FAR2: variants seen among roughly 807,000 people sequenced by gnomAD.
The protein encoded by FAR2 is fatty acyl-CoA reductase 2.
In FAR2, 19 loss-of-function variants were observed where a neutral mutation model predicts 56.0. The observed-to-expected ratio is 0.34, with a 90% CI of 0.24 to 0.50. The LOEUF (loss-of-function observed/expected upper bound fraction) is 0.50, where lower values mean the gene tolerates loss of function less well. FAR2 is among the 20% of genes least tolerant of loss of function. The probability of loss-of-function intolerance (pLI) is 0.98; values close to 1 mark genes in which losing one functional copy is unlikely to be tolerated. For synonymous variants in FAR2, 219 were observed against 218.8 expected (o/e 1.00, Z -0.01); for missense variants, 508 against 642.2 (o/e 0.79, Z 2.26).
At chr12:29,216,752 A>G (rs1374199190) in intron 1 of FAR2, among the ~76,000 whole-genome samples, 1 of 152,206 alleles carries the variant, frequency 6.6e-6, no homozygotes, top group African/African-American at 2.4e-5. Context: ...AGGCATTTCA[A>G]TATTTTAGAC....
chr12:29,320,610 CA>C, intron 9 of FAR2, among the ~76,000 whole-genome samples: 1 of 152,178 alleles, frequency 6.6e-6, no homozygotes, highest in East Asian at 1.9e-4. Context: ...TGGTTAACTA[CA>C]AATCAAGTGC....
In FAR2 at chr12:29,326,048, A is replaced by C. The variant is rs1227854867; in HGVS notation, c.1257+4124A>C. On this transcript the variant is annotated intron_variant, in intron 10 of 11. Coordinates refer to ENST00000536681, the MANE Select transcript of FAR2 (RefSeq NM_001271783.2). ...AAAGAGAGAAGAATCAAATAGACGC[A>C]ATAAAAAATGACAAAGGGGATATCA... Among the ~76,000 whole-genome samples, 5 of 152,306 alleles carry C rather than the reference A, an allele frequency of 3.3e-5. No homozygotes were observed. The East Asian group carries it at 9.6e-4, about 29-fold the overall frequency.
chr12:29,294,378 G>A (rs1388510912), intron 3 of FAR2, among the ~76,000 whole-genome samples: 6 of 149,438 alleles, frequency 4.0e-5, no homozygotes, highest in East Asian at 2.0e-4. Context: ...AGACAGTTTC[G>A]TTCTTGTTGC....
chr12:29,199,939 T>A (rs1947385033), intron 1 of FAR2, among the ~76,000 whole-genome samples: 1 of 152,166 alleles, frequency 6.6e-6, no homozygotes, highest in Non-Finnish European at 1.5e-5. Flanking sequence ...CACTGAGACA[T>A]CTGAATAGAG....
chr12:29,176,043 TA>T (rs1264933475), intron 1 of FAR2, among the ~76,000 whole-genome samples: 1 of 152,214 alleles, frequency 6.6e-6, no homozygotes, highest in African/African-American at 2.4e-5. Context: ...TTGGAAATTT[TA>T]AATTTGCACT....
At chr12:29,247,255 C>T (rs571431613) in intron 1 of FAR2, among the ~76,000 whole-genome samples, 4 of 152,278 alleles carry the variant, frequency 2.6e-5, no homozygotes, top group Non-Finnish European at 5.9e-5. Context: ...GTGGCAGTGA[C>T]TAAGCTCCTG....
chr12:29,220,602 GC>G (rs772244940), intron 1 of FAR2, among the ~76,000 whole-genome samples: 37 of 152,022 alleles, frequency 2.4e-4, no homozygotes, highest in Admixed American at 6.6e-4. Flanking sequence ...TAGTGTAAAT[GC>G]CCATTTTTTT....
At chr12:29,273,041 A>G (rs1948645164) in intron 2 of FAR2, among the ~76,000 whole-genome samples, 1 of 152,216 alleles carries the variant, frequency 6.6e-6, no homozygotes, top group East Asian at 1.9e-4. Context: ...TCTGACCTCG[A>G]GGGGCACCAG....
chr12:29,201,624 T>C (rs569939353), intron 1 of FAR2, among the ~76,000 whole-genome samples: 1 of 152,336 alleles, frequency 6.6e-6, no homozygotes, highest in African/African-American at 2.4e-5. Flanking sequence ...GAATTCACCA[T>C]AATGTGTATA....
intron 1 of FAR2, among the ~76,000 whole-genome samples, chr12:29,159,832 G>A (rs953268419): frequency 2.0e-5 from 3 of 152,106 alleles, no homozygotes; most frequent in African/African-American, 7.2e-5. Flanking sequence ...AAAGTGAGAG[G>A]GGAAGAGCAA....
intron 1 of FAR2, among the ~76,000 whole-genome samples, chr12:29,262,847 T>A (rs528666472): frequency 6.6e-6 from 1 of 152,262 alleles, no homozygotes; most frequent in African/African-American, 2.4e-5. Context: ...TCAAAAGTTA[T>A]AGAGTGACTG....
At chr12:29,249,512 G>T (rs1160243092) in intron 1 of FAR2, among the ~76,000 whole-genome samples, 1 of 152,262 alleles carries the variant, frequency 6.6e-6, no homozygotes, top group Admixed American at 6.5e-5. Flanking sequence ...ATTTGAAAGG[G>T]TATCTCTACA....
At chr12:29,179,024 T>C (rs150127758) in intron 1 of FAR2, among the ~76,000 whole-genome samples, 1 of 152,274 alleles carries the variant, frequency 6.6e-6, no homozygotes, top group East Asian at 1.9e-4. Flanking sequence ...CTTTTTCCTG[T>C]GTCTTCAGAA....
chr12:29,222,886 A>G (rs1947711439), intron 1 of FAR2, among the ~76,000 whole-genome samples: 1 of 152,206 alleles, frequency 6.6e-6, no homozygotes, highest in South Asian at 2.1e-4. Flanking sequence ...ATGACATTAT[A>G]GGTAACTGAC....
At chr12:29,208,855 G>A (rs950841687) in intron 1 of FAR2, among the ~76,000 whole-genome samples, 3 of 152,154 alleles carry the variant, frequency 2.0e-5, no homozygotes, top group Non-Finnish European at 2.9e-5. Context: ...TTATTTCTTA[G>A]TAGTGCGGGG....
At chr12:29,199,163 A>G (rs1353774721) in intron 1 of FAR2, among the ~76,000 whole-genome samples, 2 of 152,218 alleles carry the variant, frequency 1.3e-5, no homozygotes, top group Non-Finnish European at 2.9e-5. Context: ...TAGAAGCTGA[A>G]AATGGAAATG....
intron 1 of FAR2, among the ~76,000 whole-genome samples, chr12:29,240,019 G>A (rs919979512): frequency 1.3e-5 from 2 of 152,084 alleles, no homozygotes; most frequent in African/African-American, 4.8e-5. Flanking sequence ...GGTATCTGCT[G>A]CCCCAATTTT....
chr12:29,268,612 C>T (rs1948559264), intron 1 of FAR2, among the ~76,000 whole-genome samples: 1 of 152,154 alleles, frequency 6.6e-6, no homozygotes, highest in Non-Finnish European at 1.5e-5. Context: ...AGTGTCTCTA[C>T]CCCCTGAGCA....
intron 1 of FAR2, among the ~76,000 whole-genome samples, chr12:29,179,622 G>A (rs1166238507): frequency 1.3e-5 from 2 of 152,060 alleles, no homozygotes; most frequent in African/African-American, 4.8e-5. Context: ...TACCTACTCC[G>A]ACCTTGTCAG....
Sources: allele counts gnomAD v4.1 joint callset (sites outside exome capture counted in the v4.1 genomes callset), GRCh38; gene constraint gnomAD v4.1.1; transcripts MANE v1.5; gene names NCBI Gene and HGNC (gene_info 2026-07-23, HGNC 2026-07-21).